The following PIP5K1B variants were observed in gnomAD, a reference collection of about 807,000 sequenced individuals.
PIP5K1B encodes phosphatidylinositol-4-phosphate 5-kinase type 1 beta, also known as phosphatidylinositol 4-phosphate 5-kinase type-1 beta.
In PIP5K1B, 42 loss-of-function variants were observed where a neutral mutation model predicts 67.0. The ratio of observed to expected loss-of-function variants is 0.63; its 90% CI spans 0.49 to 0.81. PIP5K1B has a LOEUF of 0.81. Ranked by LOEUF, PIP5K1B falls within the 30% of genes least tolerant of loss-of-function variation. The pLI is 0.00. For synonymous variants in PIP5K1B, 214 were observed against 231.4 expected (o/e 0.92, Z 0.68); for missense variants, 459 against 646.3 (o/e 0.71, Z 3.14).
intron 14 of PIP5K1B, among the ~76,000 whole-genome samples, chr9:68,979,518 A>T (rs373327454): frequency 2.4e-4 from 37 of 151,430 alleles, no homozygotes; most frequent in African/African-American, 8.7e-4. Flanking sequence ...AAAAAGGAGG[A>T]ACCCTTTTTA....
At chr9:68,771,809 T>C (rs1224715825) in intron 2 of PIP5K1B, among the ~76,000 whole-genome samples, 1 of 152,176 alleles carries the variant, frequency 6.6e-6, no homozygotes. Flanking sequence ...TCCTAATAAG[T>C]GGGAACTTTC....
chr9:68,923,386 G>C lies in PIP5K1B; in HGVS notation c.1201G>C (p.Ala401Pro), dbSNP rs776222097. ...TTCCAGAGTTTTCAAGAAAATTCAA[G>C]GTAAGATTCTTATGAATTTTTTTTT... is the stretch of plus-strand genomic sequence containing the variant. The part of the protein sequence containing the change: ...MNSRVFKKIQ[A>P]LKASPSKKRC... The change falls in exon 12 of 16, where the codon GCT becomes CCT. Residue 401 changes from alanine to proline, a missense_variant and splice_region_variant. Physicochemically the swap from Ala to Pro is conservative, Grantham distance 27. Coordinates refer to ENST00000265382, the MANE Select transcript of PIP5K1B (RefSeq NM_003558.4). 5.9e-6 allele frequency: 9 copies of C among 1,513,966 alleles called. No homozygotes were observed. The Admixed American group carries it at 1.5e-4, about 26-fold the overall frequency. 93.8% of individuals were successfully genotyped at this position (1,513,966 alleles called of 1,614,324 possible). A position where few individuals can be genotyped will look rare whatever the true frequency, so the allele number is the denominator to read the frequency against.
At chr9:68,798,925 A>G (rs1832439804) in intron 2 of PIP5K1B, among the ~76,000 whole-genome samples, 1 of 152,244 alleles carries the variant, frequency 6.6e-6, no homozygotes, top group Non-Finnish European at 1.5e-5. Flanking sequence ...GATTTGGGAG[A>G]GGGCATACTA....
At chr9:68,835,884 A>G (rs2132128479) in intron 4 of PIP5K1B, among the ~76,000 whole-genome samples, 1 of 151,240 alleles carries the variant, frequency 6.6e-6, no homozygotes, top group Admixed American at 6.6e-5. Flanking sequence ...AAAACGACAA[A>G]TTTTCTGTTG....
At chr9:68,763,315 G>A (rs1356443273) in intron 2 of PIP5K1B, among the ~76,000 whole-genome samples, 2 of 152,082 alleles carry the variant, frequency 1.3e-5, no homozygotes, top group African/African-American at 4.8e-5. Context: ...ATGTGAATGA[G>A]GCAAAGCGTT....
At chr9:68,929,028 T>A (rs1022545414) in intron 12 of PIP5K1B, among the ~76,000 whole-genome samples, 1 of 152,130 alleles carries the variant, frequency 6.6e-6, no homozygotes, top group Admixed American at 6.5e-5. Context: ...CCAGACGTGC[T>A]GGCACATGCC....
rs541769320 is a variant in PIP5K1B, at chr9:69,007,684, C to T, written c.1621-763C>T. On this transcript the variant is annotated intron_variant, in intron 15 of 15. Coordinates refer to ENST00000265382, the MANE Select transcript of PIP5K1B (RefSeq NM_003558.4). The stretch of plus-strand genomic sequence containing the variant: ...CATCCTGGCTAACACAGTGAAACCC[C>T]ATCTCTACTAAAAATACAAAAAATT... Among the ~76,000 whole-genome samples the T allele has an allele frequency of 4.9e-3, 751 of 152,050 alleles. 2 individuals are homozygous for T. Among genetic ancestry groups the T allele is most frequent in the African/African-American group, 0.017 (692 of 41,386 alleles).
chr9:68,781,068 A>T (rs369314654), intron 2 of PIP5K1B: 33 of 1,574,034 alleles, frequency 2.1e-5, no homozygotes, highest in Non-Finnish European at 2.6e-5. Flanking sequence ...GTGGAGAGAG[A>T]GAATAATCTA....
intron 1 of PIP5K1B, among the ~76,000 whole-genome samples, chr9:68,727,324 C>T (rs1828200572): frequency 1.3e-5 from 2 of 152,146 alleles, no homozygotes; most frequent in South Asian, 4.1e-4. Flanking sequence ...GAGTTGATCA[C>T]TCTCACGAAG....
chr9:68,800,823 AG>A (rs1289114662), intron 2 of PIP5K1B, among the ~76,000 whole-genome samples: 1 of 152,186 alleles, frequency 6.6e-6, no homozygotes, highest in Admixed American at 6.5e-5. Context: ...AGGCTTCCCA[AG>A]GTCATATTTG....
intron 1 of PIP5K1B, among the ~76,000 whole-genome samples, chr9:68,739,405 T>TG (rs1456319165): frequency 6.6e-6 from 1 of 152,358 alleles, no homozygotes; most frequent in East Asian, 1.9e-4. Flanking sequence ...GATCTTTGAC[T>TG]GAGGGATATA....
chr9:69,008,116 C>T (rs1451000280), intron 15 of PIP5K1B, among the ~76,000 whole-genome samples: 2 of 152,190 alleles, frequency 1.3e-5, no homozygotes, highest in East Asian at 1.9e-4. Flanking sequence ...GGCTTCAGAT[C>T]TAATATACCA....
At chr9:68,873,537 C>T (rs2132304633) in intron 5 of PIP5K1B, among the ~76,000 whole-genome samples, 1 of 151,888 alleles carries the variant, frequency 6.6e-6, no homozygotes, top group East Asian at 1.9e-4. Flanking sequence ...CATTGGAGCT[C>T]TTTATATTAG....
intron 14 of PIP5K1B, among the ~76,000 whole-genome samples, chr9:68,950,992 C>T (rs1482586215): frequency 1.3e-5 from 2 of 152,206 alleles, no homozygotes; most frequent in Non-Finnish European, 2.9e-5. Context: ...ACGCCTCTAC[C>T]ACAACCTGCC....
chr9:68,922,460 C>CAAAAAAAAAAAAAAA (rs141136674), intron 11 of PIP5K1B, among the ~76,000 whole-genome samples: 5 of 128,236 alleles, frequency 3.9e-5, no homozygotes, highest in Non-Finnish European at 4.9e-5. Flanking sequence ...GACTCTGTCT[C>CAAAAAAAAAAAAAAA]AAAAAAAAAG....
At chr9:68,831,122 T>G (rs1036429958) in intron 4 of PIP5K1B, among the ~76,000 whole-genome samples, 2 of 152,232 alleles carry the variant, frequency 1.3e-5, no homozygotes, top group African/African-American at 2.4e-5. Flanking sequence ...TCAATAGTCG[T>G]AGGGAACATA....
rs558196203 is a variant in PIP5K1B, at chr9:68,916,236, G to A, written c.772-1312G>A. Among the ~76,000 whole-genome samples, 6 of 152,224 alleles carry A rather than the reference G, an allele frequency of 3.9e-5. No individual in the cohort carries two copies. In the South Asian group the frequency reaches 1.0e-3, roughly 26 times the overall value. ...GTATTAAGAAGTCTGTTGTAGGGGA[G>A]AATCATATACAGACTAGTAGAAAAA... On this transcript the variant is annotated intron_variant, in intron 8 of 15. Coordinates refer to ENST00000265382, the MANE Select transcript of PIP5K1B (RefSeq NM_003558.4).
chr9:68,860,103 A>G (rs1822984373), intron 4 of PIP5K1B, among the ~76,000 whole-genome samples: 1 of 152,130 alleles, frequency 6.6e-6, no homozygotes, highest in Non-Finnish European at 1.5e-5. Flanking sequence ...GATCATTGTT[A>G]TTAATGTAGT....
intron 11 of PIP5K1B, among the ~76,000 whole-genome samples, chr9:68,922,592 A>G (rs997912539): frequency 1.3e-5 from 2 of 152,218 alleles, no homozygotes; most frequent in African/African-American, 4.8e-5. Flanking sequence ...CTAAATAAAC[A>G]TAGAAAAGTA....
Sources: gnomAD v4.1 joint callset for allele counts (sites outside exome capture counted in the v4.1 genomes callset) on GRCh38, gnomAD v4.1.1 for gene constraint, MANE v1.5 for transcripts, NCBI Gene and HGNC (gene_info 2026-07-23, HGNC 2026-07-21) for gene names.